RNF121: variants seen among roughly 807,000 people sequenced by gnomAD.
RNF121 encodes the protein E3 ubiquitin ligase RNF121.
RNF121 carries 21 observed loss-of-function variants against 46.5 expected under a neutral mutation model. The observed-to-expected ratio is 0.45, with a 90% CI of 0.32 to 0.65. The LOEUF is 0.65. RNF121 is among the 30% of genes least tolerant of loss of function. The pLI is 0.04. For synonymous variants in RNF121, 139 were observed against 144.7 expected (o/e 0.96, Z 0.28); for missense variants, 346 against 416.0 (o/e 0.83, Z 1.46).
chr11:71,946,471 C>T (rs1284932741), intron 1 of RNF121, among the ~76,000 whole-genome samples: 1 of 152,098 alleles, frequency 6.6e-6, no homozygotes, highest in East Asian at 1.9e-4. Context: ...ACAGGATTTT[C>T]CCCTGTCACC....
intron 1 of RNF121, among the ~76,000 whole-genome samples, chr11:71,936,933 T>C (rs573795953): frequency 6.6e-6 from 1 of 152,342 alleles, no homozygotes; most frequent in African/African-American, 2.4e-5. Context: ...ATGAGAATGC[T>C]TGTAGATGTG....
At chr11:71,975,067 A>T (rs376945162) in intron 3 of RNF121, among the ~76,000 whole-genome samples, 1 of 152,194 alleles carries the variant, frequency 6.6e-6, no homozygotes, top group Non-Finnish European at 1.5e-5. Context: ...CAAATATAGT[A>T]TCTCTTCACA....
rs747510704 is a variant in RNF121 at position 71,987,104 on chromosome 11, T to C, written c.499T>C (p.Leu167=). 2.1e-5 allele frequency: 33 copies of C among 1,598,310 alleles called. No individual in the cohort carries two copies. The highest frequency in any genetic ancestry group is 2.7e-5 in the African/African-American group (2 of 74,598). The part of the protein sequence containing the change: ...VMFTLFGLNL[L]FKIKPEDAMD... ...GTTTACCCTCTTTGGTCTTAACTTA[T>C]TATTCAAGTGAGTACCCTTTGTTTT... The change falls in exon 5 of 9, where the codon TTA becomes CTA. Residue 167 remains leucine (L), a synonymous_variant. Transcript: ENST00000361756.
Position 71,990,607 on chromosome 11 carries a change from G to C in RNF121, c.517G>C (p.Glu173Gln), listed in dbSNP as rs781549233. 3.1e-6 allele frequency: 5 copies of C among 1,614,070 alleles called. No homozygotes were observed. In the South Asian group the frequency reaches 5.5e-5, roughly 18 times the overall value. Residue 173 changes from glutamate (E) to glutamine (Q), a missense_variant, in exon 6 of 9, where the codon GAA becomes CAA. Physicochemically the swap from Glu to Gln is conservative, Grantham distance 29 (BLOSUM62 2). Coordinates refer to ENST00000361756, the MANE Select transcript of RNF121 (RefSeq NM_018320.5). ...ATGCTTCCCTTGCAGGATCAAACCA[G>C]AAGATGCCATGGACTTTGGCATCTC... Reference protein sequence around the residue: ...GLNLLFKIKPEDAMDFGISLL... With the variant: ...GLNLLFKIKPQDAMDFGISLL...
intron 1 of RNF121, among the ~76,000 whole-genome samples, chr11:71,941,226 C>T (rs1196461466): frequency 6.6e-6 from 1 of 152,102 alleles, no homozygotes; most frequent in Non-Finnish European, 1.5e-5. Flanking sequence ...AGTTTAGGAG[C>T]GAGATGATGC....
At chr11:71,995,384 C>A in intron 7 of RNF121, 66 bp from the exon 8 acceptor site, 1 of 1,326,292 alleles carries the variant, frequency 7.5e-7, no homozygotes. Context: ...TTGAACCTTT[C>A]AAAGACTGTC....
chr11:71,960,374 CTT>C (rs1275837173), intron 2 of RNF121, among the ~76,000 whole-genome samples: 1 of 152,182 alleles, frequency 6.6e-6, no homozygotes, highest in Non-Finnish European at 1.5e-5. Context: ...TCTATAACCT[CTT>C]TGGGTTACTT....
At chr11:71,950,409 C>A (rs1487498190) in intron 1 of RNF121, among the ~76,000 whole-genome samples, 1 of 151,926 alleles carries the variant, frequency 6.6e-6, no homozygotes, top group Non-Finnish European at 1.5e-5. Flanking sequence ...CATGATGAAA[C>A]CCTGTCTCTA....
chr11:71,975,796 G>T (rs1039014284), intron 3 of RNF121, among the ~76,000 whole-genome samples: 1 of 152,236 alleles, frequency 6.6e-6, no homozygotes, highest in African/African-American at 2.4e-5. Context: ...GAAACATGGA[G>T]TAAGTTTACT....
At chr11:71,974,220 C>A (rs1218760412) in intron 3 of RNF121, among the ~76,000 whole-genome samples, 1 of 152,182 alleles carries the variant, frequency 6.6e-6, no homozygotes, top group Non-Finnish European at 1.5e-5. Context: ...GGATTACAGG[C>A]GTGAGCCACC....
At chr11:71,964,718 A>G (rs923794601) in intron 3 of RNF121, among the ~76,000 whole-genome samples, 1 of 152,280 alleles carries the variant, frequency 6.6e-6, no homozygotes, top group African/African-American at 2.4e-5. Context: ...AACTCAAGCA[A>G]TCCGCCTGCC....
At chr11:71,978,408 C>T (rs1411371075) in intron 3 of RNF121, among the ~76,000 whole-genome samples, 1 of 152,006 alleles carries the variant, frequency 6.6e-6, no homozygotes, top group Non-Finnish European at 1.5e-5. Flanking sequence ...GCCTCAAATC[C>T]TTGGTTTGTG....
intron 3 of RNF121, chr11:71,978,309 TGGGTCCTTCCA>T (rs1565157386): frequency 7.5e-6 from 2 of 266,650 alleles, no homozygotes; most frequent in Non-Finnish European, 1.5e-5. Flanking sequence ...CCCCAGGAAC[TGGGTCCTTCCA>T]CCAGCAGCTG....
intron 1 of RNF121, among the ~76,000 whole-genome samples, chr11:71,930,321 A>G (rs1267073131): frequency 1.3e-5 from 2 of 152,048 alleles, no homozygotes; most frequent in East Asian, 1.9e-4. Context: ...TGGGTGTGGG[A>G]AGAGTGGGGA....
intron 4 of RNF121, among the ~76,000 whole-genome samples, chr11:71,985,500 C>A (rs537669019): frequency 3.0e-4 from 45 of 152,240 alleles, no homozygotes; most frequent in African/African-American, 1.1e-3. Context: ...AGTGCAATCC[C>A]TGGAGAATAG....
chr11:71,937,248 G>A lies in RNF121; in HGVS notation c.63+8124G>A, dbSNP rs143012903. ...TGCACCTTATCATTTTTTCATCTCT[G>A]TATTTTCAGCACCTAATCTTGCACA... On this transcript the variant is annotated intron_variant, in intron 1 of 8. Transcript: ENST00000361756. Among the ~76,000 whole-genome samples the A allele has an allele frequency of 6.6e-4, 101 of 152,260 alleles. 2 individuals carry two copies. The highest frequency in any genetic ancestry group is 6.8e-3 in the Middle Eastern group (2 of 294).
intron 1 of RNF121, among the ~76,000 whole-genome samples, chr11:71,942,891 T>C (rs547409216): frequency 7.9e-5 from 12 of 152,124 alleles, no homozygotes; most frequent in East Asian, 1.9e-4. Flanking sequence ...CTAGCAGATA[T>C]GATGTCTGGC....
At chr11:71,955,773 G>T (rs947601718) in intron 1 of RNF121, among the ~76,000 whole-genome samples, 1 of 152,178 alleles carries the variant, frequency 6.6e-6, no homozygotes, top group African/African-American at 2.4e-5. Context: ...TTGTTATTTA[G>T]AAATGTGATT....
At chr11:71,955,967 A>T (rs577357253) in intron 1 of RNF121, among the ~76,000 whole-genome samples, 1 of 152,148 alleles carries the variant, frequency 6.6e-6, no homozygotes, top group African/African-American at 2.4e-5. Flanking sequence ...TGGTAAATTT[A>T]TTTTTTGACT....
Sources: gnomAD v4.1 joint callset for allele counts (sites outside exome capture counted in the v4.1 genomes callset) on GRCh38, gnomAD v4.1.1 for gene constraint, MANE v1.5 for transcripts, NCBI Gene and HGNC (gene_info 2026-07-23, HGNC 2026-07-21) for gene names.